The following IQGAP2 variants were observed in gnomAD, a reference collection of about 807,000 sequenced individuals.
IQGAP2 encodes ras GTPase-activating-like protein IQGAP2.
Under a neutral mutation model 201.3 loss-of-function variants are expected in IQGAP2, and 173 were observed. The observed-to-expected ratio is 0.86, with a 90% CI of 0.76 to 0.98. The LOEUF (loss-of-function observed/expected upper bound fraction) is 0.98. IQGAP2 is among the 50% of genes least tolerant of loss of function. The pLI, the probability that IQGAP2 is intolerant of heterozygous loss-of-function variation, is 0.00. For synonymous variants in IQGAP2, 675 were observed against 673.9 expected (o/e 1.00, Z -0.03); for missense variants, 1,687 against 1,864.8 (o/e 0.90, Z 1.76).
chr5:76,675,657 C>T lies in IQGAP2; in HGVS notation c.3527+948C>T, dbSNP rs188142006. On this transcript the variant is annotated intron_variant, in intron 27 of 35. Coordinates refer to ENST00000274364, the MANE Select transcript of IQGAP2 (RefSeq NM_006633.5). ...TAATCAACAGGCCATAGAAGTGTAACATCAGTTTGGCCTCTTTTAATCCTC... is the reference window on the plus strand; with the variant it reads ...TAATCAACAGGCCATAGAAGTGTAATATCAGTTTGGCCTCTTTTAATCCTC... Among the ~76,000 whole-genome samples, 455 of 152,278 alleles carry T rather than the reference C, an allele frequency of 3.0e-3. 2 individuals are homozygous for T. The highest frequency in any genetic ancestry group is 0.01 in the African/African-American group (420 of 41,572).
chr5:76,657,898 G>T (rs1380306648), intron 20 of IQGAP2, among the ~76,000 whole-genome samples: 1 of 152,178 alleles, frequency 6.6e-6, no homozygotes, highest in African/African-American at 2.4e-5. Context: ...TTTTATTTCA[G>T]CTAAGTAGAA....
intron 10 of IQGAP2, among the ~76,000 whole-genome samples, chr5:76,599,627 C>T (rs965432154): frequency 2.0e-5 from 3 of 151,924 alleles, no homozygotes; most frequent in Admixed American, 6.6e-5. Flanking sequence ...CGATGGTAAC[C>T]CCTTCTTCCC....
chr5:76,674,732 G>A (rs747416720), intron 27 of IQGAP2, 23 bp downstream of exon 27: 2 of 1,518,778 alleles, frequency 1.3e-6, no homozygotes, highest in Non-Finnish European at 1.8e-6. Flanking sequence ...CTTAGTTTTG[G>A]AGAAACGTGC....
chr5:76,674,179 T>A, intron 26 of IQGAP2, 143 bp downstream of exon 26: 1 of 625,848 alleles, frequency 1.6e-6, no homozygotes, highest in East Asian at 2.7e-5. Flanking sequence ...ACTCTCAAGA[T>A]AATTGATTAA....
intron 13 of IQGAP2, chr5:76,618,233 G>C: frequency 6.2e-7 from 1 of 1,614,170 alleles, no homozygotes; most frequent in Non-Finnish European, 8.5e-7. Context: ...CAAATACCCA[G>C]TTGTTCCCAT....
chr5:76,476,650 TG>T (rs1005252877), intron 2 of IQGAP2, among the ~76,000 whole-genome samples: 3 of 152,004 alleles, frequency 2.0e-5, no homozygotes, highest in Non-Finnish European at 4.4e-5. Context: ...ATATGAGTTC[TG>T]GGGGGGTCAG....
chr5:76,536,334 G>A (rs985183560), intron 2 of IQGAP2, among the ~76,000 whole-genome samples: 1 of 150,720 alleles, frequency 6.6e-6, no homozygotes, highest in East Asian at 2.0e-4. Context: ...GCCTCCCAAA[G>A]TGCGGGGATC....
intron 22 of IQGAP2, among the ~76,000 whole-genome samples, chr5:76,667,226 T>G (rs532176071): frequency 1.3e-5 from 2 of 152,150 alleles, no homozygotes; most frequent in Admixed American, 6.5e-5. Flanking sequence ...TACTTCACAT[T>G]GAAAAACAGT....
intron 1 of IQGAP2, among the ~76,000 whole-genome samples, chr5:76,438,948 T>C (rs1357056994): frequency 6.6e-6 from 1 of 150,574 alleles, no homozygotes; most frequent in African/African-American, 2.5e-5. Context: ...TTTGTGTTTG[T>C]TCGTGTTTCT....
intron 20 of IQGAP2, among the ~76,000 whole-genome samples, chr5:76,655,808 T>C (rs545225581): frequency 6.6e-6 from 1 of 152,348 alleles, no homozygotes; most frequent in South Asian, 2.1e-4. Flanking sequence ...CATTTTGTGC[T>C]ATCTCCTTAC....
At chr5:76,547,952 G>A (rs946518061) in intron 2 of IQGAP2, among the ~76,000 whole-genome samples, 2 of 152,212 alleles carry the variant, frequency 1.3e-5, no homozygotes, top group South Asian at 2.1e-4. Flanking sequence ...GTGTAGCCAC[G>A]CTGCTCTGTG....
chr5:76,618,632 AT>A (rs1367345345), intron 13 of IQGAP2: 5 of 1,610,506 alleles, frequency 3.1e-6, no homozygotes, highest in African/African-American at 2.7e-5. Flanking sequence ...TGTTTGTATC[AT>A]TTTCCATGCC....
intron 17 of IQGAP2, among the ~76,000 whole-genome samples, chr5:76,651,565 T>C (rs1752514676): frequency 7.4e-6 from 1 of 135,420 alleles, no homozygotes; most frequent in Non-Finnish European, 1.7e-5. Context: ...ATTGAGCCAC[T>C]GCACTGTAGC....
chr5:76,421,233 T>G (rs1231498122), intron 1 of IQGAP2, among the ~76,000 whole-genome samples: 1 of 152,150 alleles, frequency 6.6e-6, no homozygotes, highest in East Asian at 1.9e-4. Context: ...AATGCCAGCC[T>G]TTAGGCTCCT....
chr5:76,522,508 A>G (rs957737751), intron 2 of IQGAP2, among the ~76,000 whole-genome samples: 2 of 152,148 alleles, frequency 1.3e-5, no homozygotes, highest in African/African-American at 4.8e-5. Flanking sequence ...GTTGGGTCTC[A>G]AGTCCTATTT....
intron 2 of IQGAP2, among the ~76,000 whole-genome samples, chr5:76,526,147 C>G (rs1415071405): frequency 2.6e-5 from 4 of 152,134 alleles, no homozygotes; most frequent in Non-Finnish European, 5.9e-5. Flanking sequence ...GCAAGTTAAC[C>G]TCAAAAAGTC....
intron 2 of IQGAP2, among the ~76,000 whole-genome samples, chr5:76,542,167 A>T (rs747766451): frequency 6.6e-6 from 1 of 152,068 alleles, no homozygotes; most frequent in African/African-American, 2.4e-5. Flanking sequence ...AAAAAAATTG[A>T]TAGAGATGGT....
chr5:76,654,143 A>T, intron 18 of IQGAP2, 57 bp from the exon 19 acceptor site: 1 of 1,186,068 alleles, frequency 8.4e-7, no homozygotes, highest in Non-Finnish European at 1.2e-6. Context: ...TTTGGTGATT[A>T]CTTTGACTTT....
At chr5:76,654,047 G>A (rs116724629) in intron 18 of IQGAP2, among the ~76,000 whole-genome samples, 153 bp from the exon 19 acceptor site, 1,599 of 152,340 alleles carry the variant, frequency 0.01, 24 homozygotes, top group African/African-American at 0.036. Flanking sequence ...GTAGGCTTTA[G>A]AGATTGATTA....
Sources: gnomAD v4.1 joint callset for allele counts (sites outside exome capture counted in the v4.1 genomes callset) on GRCh38, gnomAD v4.1.1 for gene constraint, MANE v1.5 for transcripts, NCBI Gene and HGNC (gene_info 2026-07-23, HGNC 2026-07-21) for gene names.